Variants in ANKFN1 observed in about 807,000 individuals in gnomAD.
ANKFN1 encodes the protein ankyrin repeat and fibronectin type-III domain-containing protein 1.
Under a neutral mutation model 108.7 loss-of-function variants are expected in ANKFN1, and 74 were observed. The ratio of observed to expected loss-of-function variants is 0.68; its 90% CI spans 0.56 to 0.83. The LOEUF (loss-of-function observed/expected upper bound fraction) is 0.83. Among genes scored for constraint, ANKFN1 ranks in the 40% least tolerant of loss-of-function variants. The probability of loss-of-function intolerance (pLI) is 0.00; values close to 1 mark genes in which losing one functional copy is unlikely to be tolerated. For synonymous variants in ANKFN1, 547 were observed against 516.2 expected (o/e 1.06, Z -0.81); for missense variants, 1,505 against 1,382.3 (o/e 1.09, Z -1.41).
intron 3 of ANKFN1, among the ~76,000 whole-genome samples, chr17:56,267,842 T>C (rs974710311): frequency 6.6e-6 from 1 of 152,240 alleles, no homozygotes; most frequent in African/African-American, 2.4e-5. Flanking sequence ...CCTCTGGCTT[T>C]GTTTTTTTCA....
In ANKFN1 at chr17:56,476,243, GTCACAACCC is replaced by G. The variant is rs1192512122; in HGVS notation, c.1774-1244_1774-1236del. ...CCTGACTCGTCACTCCTAACTTTGT[GTCACAACCC>G]CCACTGCCCAAATGTAAAAGTTTTA... On this transcript the variant is annotated intron_variant, in intron 15 of 20. Coordinates refer to ENST00000682825, the MANE Select transcript of ANKFN1 (RefSeq NM_001370326.1). Among the ~76,000 whole-genome samples, 32 of 152,262 alleles carry G rather than the reference GTCACAACCC, an allele frequency of 2.1e-4. No individual in the cohort carries two copies. The East Asian group carries it at 5.4e-3, about 26-fold the overall frequency.
At chr17:56,351,734 A>G (rs2046253808) in intron 5 of ANKFN1, among the ~76,000 whole-genome samples, 3 of 152,194 alleles carry the variant, frequency 2.0e-5, no homozygotes, top group African/African-American at 7.2e-5. Context: ...TGGCGTAAAT[A>G]GTGGAACTCA....
chr17:56,345,124 T>C (rs1206506364), intron 4 of ANKFN1, among the ~76,000 whole-genome samples: 1 of 152,062 alleles, frequency 6.6e-6, no homozygotes, highest in African/African-American at 2.4e-5. Context: ...ACCCCACTTA[T>C]GAGTGAGAAC....
At chr17:56,182,730 C>A (rs2098269) in intron 1 of ANKFN1, among the ~76,000 whole-genome samples, 72,479 of 152,054 alleles carry the variant, frequency 0.48, 17,472 homozygotes, top group South Asian at 0.64. Context: ...TGTAGGAAAA[C>A]TAGCCTTCTA....
intron 8 of ANKFN1, among the ~76,000 whole-genome samples, chr17:56,416,595 A>G (rs2048246461): frequency 1.3e-5 from 2 of 152,238 alleles, no homozygotes; most frequent in Admixed American, 1.3e-4. Flanking sequence ...AAATCCTCGT[A>G]CGCTGTTGGT....
intron 11 of ANKFN1, among the ~76,000 whole-genome samples, chr17:56,449,408 C>A (rs1026593747): frequency 2.0e-5 from 3 of 151,966 alleles, no homozygotes; most frequent in Admixed American, 2.0e-4. Flanking sequence ...TCCATATGAA[C>A]GGTTTGAAAA....
chr17:56,452,720 T>C (rs2049533940), intron 11 of ANKFN1, among the ~76,000 whole-genome samples: 1 of 152,228 alleles, frequency 6.6e-6, no homozygotes, highest in Non-Finnish European at 1.5e-5. Flanking sequence ...GCATGTGCCC[T>C]TTTCCCAACT....
chr17:56,329,243 A>G (rs1189719159), intron 4 of ANKFN1, among the ~76,000 whole-genome samples: 1 of 152,088 alleles, frequency 6.6e-6, no homozygotes, highest in East Asian at 1.9e-4. Flanking sequence ...GTGGTTGATG[A>G]AATGTACCAC....
At chr17:56,158,822 A>G (rs573230805) in intron 1 of ANKFN1, among the ~76,000 whole-genome samples, 2 of 152,328 alleles carry the variant, frequency 1.3e-5, no homozygotes, top group South Asian at 2.1e-4. Context: ...ATGAAAAGCT[A>G]CAGAAAAGGA....
rs1200772561 is a variant in ANKFN1 at position 56,510,627 on chromosome 17, C to A, written c.2799C>A (p.Ser933Arg). ...DIAQQTLSGL[S>R]GSAPDVLQVH... ...CGCAGCAGACCCTTAGCGGCCTAAG[C>A]GGCAGCGCCCCCGACGTCCTGCAAG... The change falls in exon 21 of 21, where the codon AGC becomes AGA. Residue 933 changes from serine to arginine, a missense_variant. Physicochemically the swap from Ser to Arg is moderately radical, Grantham distance 110. Transcript: ENST00000682825. The A allele has an allele frequency of 5.2e-6, 8 of 1,536,200 alleles. No individual in the cohort carries two copies. Among genetic ancestry groups the A allele is most frequent in the East Asian group, 4.9e-5 (2 of 40,912 alleles).
At chr17:56,232,764 A>C (rs574899951) in intron 3 of ANKFN1, among the ~76,000 whole-genome samples, 1 of 152,232 alleles carries the variant, frequency 6.6e-6, no homozygotes, top group South Asian at 2.1e-4. Context: ...CATTAACTCA[A>C]TCAACAGAAT....
chr17:56,082,846 T>G (rs1905265071), intron 4 of ANKFN1, among the ~76,000 whole-genome samples: 1 of 141,386 alleles, frequency 7.1e-6, no homozygotes, highest in African/African-American at 2.6e-5. Flanking sequence ...CAGTTGCCAT[T>G]GCACCTGTCC....
At chr17:56,423,929 G>T (rs944373330) in intron 8 of ANKFN1, among the ~76,000 whole-genome samples, 1 of 152,122 alleles carries the variant, frequency 6.6e-6, no homozygotes, top group Non-Finnish European at 1.5e-5. Flanking sequence ...GGAATGTATT[G>T]GCTTTATATG....
At chr17:56,201,849 G>T (rs866118886) in intron 1 of ANKFN1, among the ~76,000 whole-genome samples, 5 of 152,110 alleles carry the variant, frequency 3.3e-5, no homozygotes, top group Admixed American at 6.6e-5. Flanking sequence ...CTAAATAGGA[G>T]ACCATAAGGC....
At chr17:56,457,222 G>A (rs899759845) in intron 12 of ANKFN1, 35 bp from the exon 13 acceptor site, 1 of 1,526,928 alleles carries the variant, frequency 6.5e-7, no homozygotes, top group Non-Finnish European at 8.8e-7. Context: ...CAAGATGGTT[G>A]AGGACAATGC....
intron 1 of ANKFN1, 118 bp downstream of exon 1, chr17:56,153,648 GC>G: frequency 1.5e-6 from 2 of 1,352,576 alleles, no homozygotes; most frequent in Admixed American, 3.4e-5. Flanking sequence ...TAGCTGGTGA[GC>G]ATCCATGGTC....
chr17:56,113,046 G>A (rs181060987), intron 4 of ANKFN1, among the ~76,000 whole-genome samples: 69 of 152,238 alleles, frequency 4.5e-4, no homozygotes, highest in African/African-American at 1.3e-3. Flanking sequence ...CTTTGATATC[G>A]TCAAAGATAC....
At chr17:56,392,732 C>A (rs1444577373) in intron 8 of ANKFN1, among the ~76,000 whole-genome samples, 1 of 152,162 alleles carries the variant, frequency 6.6e-6, no homozygotes, top group Non-Finnish European at 1.5e-5. Flanking sequence ...AATAAGCAGG[C>A]TCAGGGTCTA....
chr17:56,489,164 T>G (rs566622823), intron 18 of ANKFN1, among the ~76,000 whole-genome samples: 14 of 152,320 alleles, frequency 9.2e-5, no homozygotes, highest in African/African-American at 3.1e-4. Context: ...ATGCCAACCT[T>G]ATGTTAGTCT....
Sources: gnomAD v4.1 joint callset for allele counts (sites outside exome capture counted in the v4.1 genomes callset) on GRCh38, gnomAD v4.1.1 for gene constraint, MANE v1.5 for transcripts, NCBI Gene and HGNC (gene_info 2026-07-23, HGNC 2026-07-21) for gene names.